TCF12: variants seen among roughly 807,000 people sequenced by gnomAD.
TCF12 encodes transcription factor 12.
A neutral mutation model predicts 86.0 loss-of-function variants in TCF12; 45 were observed. The ratio of observed to expected loss-of-function variants is 0.52; its 90% confidence interval spans 0.41 to 0.67. The LOEUF (loss-of-function observed/expected upper bound fraction) is 0.67. Ranked by LOEUF, TCF12 falls within the 30% of genes least tolerant of loss-of-function variation. The pLI, the probability that TCF12 is intolerant of heterozygous loss-of-function variation, is 0.00. For missense variants in TCF12, 881 were observed against 859.9 expected (o/e 1.02, Z -0.31); for synonymous variants, 330 against 299.6 (o/e 1.10, Z -1.05).
chr15:56,977,080 C>T (rs1466238176), intron 3 of TCF12, among the ~76,000 whole-genome samples: 1 of 152,090 alleles, frequency 6.6e-6, no homozygotes, highest in African/African-American at 2.4e-5. Flanking sequence ...TGAGCAGTTA[C>T]ATTAGTTTCT....
At chr15:56,927,346 G>A (rs1484382682) in intron 3 of TCF12, among the ~76,000 whole-genome samples, 1 of 152,104 alleles carries the variant, frequency 6.6e-6, no homozygotes, top group African/African-American at 2.4e-5. Context: ...AGCAAAAGGG[G>A]AAAAATTAGC....
intron 5 of TCF12, among the ~76,000 whole-genome samples, chr15:57,139,705 A>G (rs945855570): frequency 6.6e-6 from 1 of 152,202 alleles, no homozygotes; most frequent in Admixed American, 6.5e-5. Flanking sequence ...ATTCATAGAA[A>G]AAGTATGCTT....
chr15:57,164,440 G>A (rs1159353262), intron 5 of TCF12, among the ~76,000 whole-genome samples: 3 of 152,132 alleles, frequency 2.0e-5, no homozygotes, highest in Non-Finnish European at 2.9e-5. Context: ...TCACATGGCA[G>A]CAGCAAGGAG....
At chr15:56,986,436 GTTGA>G (rs149369584) in intron 3 of TCF12, among the ~76,000 whole-genome samples, 7,921 of 152,176 alleles carry the variant, frequency 0.052, 291 homozygotes, top group South Asian at 0.13. Flanking sequence ...TTGAGGAAAT[GTTGA>G]TTAAGTAGTT....
intron 5 of TCF12, among the ~76,000 whole-genome samples, chr15:57,098,198 A>G (rs1274726247): frequency 4.6e-5 from 7 of 151,696 alleles, no homozygotes; most frequent in Non-Finnish European, 1.5e-5. Context: ...AAAACAAAAC[A>G]AACAAACAAA....
At chr15:57,078,384 T>C (rs16977233) in intron 4 of TCF12, among the ~76,000 whole-genome samples, 1,651 of 152,284 alleles carry the variant, frequency 0.011, 28 homozygotes, top group African/African-American at 0.038. Context: ...TAATCAAACC[T>C]TGGAAGCTAT....
intron 8 of TCF12, among the ~76,000 whole-genome samples, chr15:57,227,073 C>T (rs567349437): frequency 9.9e-5 from 15 of 152,242 alleles, no homozygotes; most frequent in African/African-American, 3.4e-4. Flanking sequence ...ATTCCCATCT[C>T]TTCATCCCTT....
intron 5 of TCF12, among the ~76,000 whole-genome samples, chr15:57,100,728 T>TA (rs1379632397): frequency 2.0e-5 from 3 of 152,188 alleles, no homozygotes; most frequent in African/African-American, 7.2e-5. Context: ...TCCTGGTACT[T>TA]ACTCCCCATA....
chr15:57,127,227 T>C (rs1445867394), intron 5 of TCF12, among the ~76,000 whole-genome samples: 2 of 152,048 alleles, frequency 1.3e-5, no homozygotes, highest in African/African-American at 2.4e-5. Flanking sequence ...AGGTGATCCA[T>C]TCATCTTGGC....
rs1567452350 is a variant in TCF12 at position 57,115,420 on chromosome 15, AGTGGCATT to A, written c.325+23530_325+23537del. Among the ~76,000 whole-genome samples, 22 of 152,336 alleles carry A rather than the reference AGTGGCATT, an allele frequency of 1.4e-4. 1 individual carries two copies. The South Asian group carries it at 4.6e-3, about 32-fold the overall frequency. On this transcript the variant is annotated intron_variant, in intron 5 of 20. Transcript: ENST00000333725. ...TTTTGATGAAATTGGCAGTGACATT[AGTGGCATT>A]AGCATCTTACAAACAACTATTATTA...
intron 20 of TCF12, 67 bp downstream of exon 20, chr15:57,282,665 A>G (rs2061746394): frequency 3.2e-6 from 5 of 1,542,050 alleles, no homozygotes; most frequent in Middle Eastern, 3.5e-4. Flanking sequence ...CTGGGTTAGA[A>G]TCTTTGAACA....
chr15:57,197,854 G>A, intron 8 of TCF12, 29 bp downstream of exon 8: 1 of 1,609,500 alleles, frequency 6.2e-7, no homozygotes, highest in Non-Finnish European at 8.5e-7. Context: ...TTAACTTGAT[G>A]GTAAACAAAC....
chr15:56,966,538 C>G (rs12900986), intron 3 of TCF12, among the ~76,000 whole-genome samples: 58,967 of 151,986 alleles, frequency 0.39, 14,226 homozygotes, highest in Non-Finnish European at 0.53. Context: ...AATGCATGAG[C>G]TTTGTTGAAA....
intron 3 of TCF12, among the ~76,000 whole-genome samples, chr15:57,061,298 A>G (rs2068441416): frequency 6.6e-6 from 1 of 152,182 alleles, no homozygotes; most frequent in East Asian, 1.9e-4. Flanking sequence ...AAATGTATTT[A>G]AAATACATGC....
At chr15:57,174,001 C>T (rs1168157430) in intron 6 of TCF12, among the ~76,000 whole-genome samples, 11 of 152,128 alleles carry the variant, frequency 7.2e-5, no homozygotes, top group East Asian at 1.9e-4. Flanking sequence ...CCACTGCACC[C>T]GGCCTGTATA....
chr15:56,930,745 G>C (rs2060209424), intron 3 of TCF12, among the ~76,000 whole-genome samples: 1 of 151,438 alleles, frequency 6.6e-6, no homozygotes, highest in South Asian at 2.1e-4. Flanking sequence ...TATTTGTCAA[G>C]ATCCCCTTTT....
At position 56,940,495 on chromosome 15, in the gene TCF12, TCC is replaced by T. The variant is rs1491112589; in HGVS notation, c.148+19398_148+19399del. On this transcript the variant is annotated intron_variant, in intron 3 of 20. Coordinates refer to ENST00000333725, the MANE Select transcript of TCF12 (RefSeq NM_207037.2). ...CTTCTTCTTCTCCTCCTCCTCCTCC[TCC>T]TCCTTCTTCTTCTCCTCCTCCTCCT... is the stretch of plus-strand genomic sequence containing the variant. Among the ~76,000 whole-genome samples the T allele has an allele frequency of 5.3e-3, 544 of 101,840 alleles. 2 individuals are homozygous for T. The highest frequency in any genetic ancestry group is 0.013 in the Middle Eastern group (2 of 158). The allele number at this position is 101,840 out of a possible 152,430, so 66.8% of individuals were successfully genotyped here.
At chr15:56,943,494 G>A (rs1473592763) in intron 3 of TCF12, among the ~76,000 whole-genome samples, 1 of 152,142 alleles carries the variant, frequency 6.6e-6, no homozygotes, top group East Asian at 1.9e-4. Context: ...CTTGTACAGG[G>A]CACACTTTTA....
At chr15:56,976,669 T>C (rs1428079012) in intron 3 of TCF12, among the ~76,000 whole-genome samples, 1 of 152,158 alleles carries the variant, frequency 6.6e-6, no homozygotes. Flanking sequence ...CACATTTGCT[T>C]CCTGATGTAA....
Sources: gnomAD v4.1 joint callset for allele counts (sites outside exome capture counted in the v4.1 genomes callset) on GRCh38, gnomAD v4.1.1 for gene constraint, MANE v1.5 for transcripts, NCBI Gene and HGNC (gene_info 2026-07-23, HGNC 2026-07-21) for gene names.